The following SEC14L1 variants were observed in gnomAD, a reference collection of about 807,000 sequenced individuals.
SEC14L1 encodes SEC14 like lipid binding 1.
A neutral mutation model predicts 85.3 loss-of-function variants in SEC14L1; 48 were observed. The observed-to-expected ratio is 0.56, with a 90% CI of 0.45 to 0.72. The LOEUF (loss-of-function observed/expected upper bound fraction) is 0.72, where lower values mean the gene tolerates loss of function less well. SEC14L1 is among the 30% of genes least tolerant of loss of function. The pLI is 0.00. For synonymous variants in SEC14L1, 391 were observed against 355.5 expected (o/e 1.10, Z -1.12); for missense variants, 682 against 921.4 (o/e 0.74, Z 3.36).
intron 14 of SEC14L1, chr17:77,210,594 A>T (rs1272389542): frequency 2.0e-5 from 3 of 152,086 alleles, no homozygotes; most frequent in African/African-American, 7.3e-5. Flanking sequence ...GGGCAGGTGG[A>T]TAAGGGAATG....
chr17:77,132,302 A>C (rs1598269838), intron 3 of SEC14L1, among the ~76,000 whole-genome samples: 1 of 142,468 alleles, frequency 7.0e-6, no homozygotes, highest in African/African-American at 2.7e-5. Flanking sequence ...ATCTCACTGC[A>C]CCCTCCAACT....
chr17:77,124,465 C>G (rs1303578741), intron 3 of SEC14L1, among the ~76,000 whole-genome samples: 3 of 152,186 alleles, frequency 2.0e-5, no homozygotes, highest in Non-Finnish European at 4.4e-5. Flanking sequence ...CCCACACTTC[C>G]TTAGCTGTGT....
At chr17:77,211,892 G>T (rs944386142) in intron 14 of SEC14L1, 58 bp from the exon 15 acceptor site, 5 of 1,593,010 alleles carry the variant, frequency 3.1e-6, no homozygotes, top group African/African-American at 2.7e-5. Flanking sequence ...CGATGCGCTC[G>T]CAGCATGCCG....
In SEC14L1 at chr17:77,205,311, C is replaced by T. The variant is rs748481378; in HGVS notation, c.1134C>T (p.Cys378=). 1.8e-5 allele frequency: 29 copies of T among 1,613,942 alleles called. No homozygotes were observed. Among genetic ancestry groups the T allele is most frequent in the Admixed American group, 5.0e-5 (3 of 59,984 alleles). ...TAAATGAAGAAGGGCTAAGGCGATG[C>T]GAAGAGAATACAAAAGTCTTTGGTC... ...LSINEEGLRR[C]EENTKVFGRP... Residue 378 remains cysteine, a synonymous_variant, in exon 11 of 17, where the codon TGC becomes TGT. Transcript: ENST00000436233.
In SEC14L1 at chr17:77,214,084, T is replaced by G; in HGVS notation, c.*61T>G. The G allele has an allele frequency of 6.4e-7, 1 of 1,572,456 alleles. No individual in the cohort carries two copies. The highest frequency in any genetic ancestry group is 8.6e-7 in the Non-Finnish European group (1 of 1,158,476). On this transcript the variant is annotated 3_prime_UTR_variant, in exon 17 of 17. Transcript: ENST00000436233. ...GGCCGCCCCTCCTCGGACAGCCAGC[T>G]GCACCCGCCCACCCAGCGGCGACAT...
intron 3 of SEC14L1, among the ~76,000 whole-genome samples, chr17:77,162,074 C>G (rs534976180): frequency 6.6e-6 from 1 of 152,110 alleles, no homozygotes; most frequent in African/African-American, 2.4e-5. Flanking sequence ...AGGTTCCCCA[C>G]GAACATGGGT....
At chr17:77,098,704 A>G (rs1327955335) in intron 3 of SEC14L1, among the ~76,000 whole-genome samples, 1 of 152,014 alleles carries the variant, frequency 6.6e-6, no homozygotes, top group African/African-American at 2.4e-5. Flanking sequence ...TGTGACAAGG[A>G]CCTCAGCCCT....
Position 77,216,748 on chromosome 17 carries a change from A to G in SEC14L1, c.*2725A>G. On this transcript the variant is annotated 3_prime_UTR_variant, in exon 17 of 17. Transcript: ENST00000436233. ...GTGCATCTTGAAGAGCTCAAAGCAC[A>G]TGACCGCACAAATGCTTACAGGGTT... 9.7e-7 allele frequency: 1 copy of G among 1,032,280 alleles called. No homozygotes were observed. The allele number at this position is 1,032,280 out of a possible 1,614,324, so 63.9% of individuals were successfully genotyped here.
chr17:77,211,908 G>A lies in SEC14L1; in HGVS notation c.1612-42G>A, dbSNP rs775791357. 5 of 1,604,262 alleles carry A rather than the reference G, an allele frequency of 3.1e-6. No homozygotes were observed. In the East Asian group the frequency reaches 8.9e-5, roughly 29 times the overall value. On this transcript the variant is annotated intron_variant, in intron 14 of 16. Transcript: ENST00000436233. Reference sequence around the variant, plus strand: ...GATGCGCTCGCAGCATGCCGGCCTGGTGCTCGTGGATCGTGGCTGCCTAAC... The same window carrying A: ...GATGCGCTCGCAGCATGCCGGCCTGATGCTCGTGGATCGTGGCTGCCTAAC...
rs183668926 is a variant in SEC14L1, at chr17:77,212,967, C to T, written c.1864-347C>T. Among the ~76,000 whole-genome samples the T allele has an allele frequency of 1.3e-4, 20 of 152,282 alleles. No homozygotes were observed. The East Asian group carries it at 3.7e-3, about 28-fold the overall frequency. On this transcript the variant is annotated intron_variant, in intron 15 of 16. Coordinates refer to ENST00000436233, the MANE Select transcript of SEC14L1 (RefSeq NM_001143998.2). ...TGGCAGCATGTCAGAGAAAGTGAGG[C>T]CAGGTCCAGGGAAGCTGTGCTGAGC...
intron 3 of SEC14L1, among the ~76,000 whole-genome samples, chr17:77,106,370 A>T (rs1598224856): frequency 6.6e-6 from 1 of 151,742 alleles, no homozygotes; most frequent in South Asian, 2.1e-4. Context: ...CGTCTCTACT[A>T]AAAATACAAA....
rs763767954 is a variant in SEC14L1, at chr17:77,161,712, C to CTTTTTTTT, written c.63+18070_63+18077dup. Among the ~76,000 whole-genome samples, 2 of 103,052 alleles carry CTTTTTTTT rather than the reference C, an allele frequency of 1.9e-5. 1 individual carries two copies. The highest frequency in any genetic ancestry group is 7.4e-5 in the African/African-American group (2 of 27,164). The allele number at this position is 103,052 out of a possible 152,430, so 67.6% of individuals were successfully genotyped here. ...AATCAGCTGGGTCCTTAAATTGGTT[C>CTTTTTTTT]TTTTTTTTTTTTTTTTTTTTTTTTA... On this transcript the variant is annotated intron_variant, in intron 3 of 16. Coordinates refer to ENST00000436233, the MANE Select transcript of SEC14L1 (RefSeq NM_001143998.2).
chr17:77,181,358 T>A (rs1297008979), intron 3 of SEC14L1, among the ~76,000 whole-genome samples: 1 of 152,232 alleles, frequency 6.6e-6, no homozygotes, highest in Non-Finnish European at 1.5e-5. Flanking sequence ...ACAGTCCAGT[T>A]GGTATTAATC....
chr17:77,190,406 A>T (rs1030139139), intron 3 of SEC14L1, among the ~76,000 whole-genome samples: 10 of 152,122 alleles, frequency 6.6e-5, no homozygotes, highest in Non-Finnish European at 1.5e-4. Flanking sequence ...GATGGTCTTG[A>T]TTACTGTAGT....
chr17:77,105,103 G>A (rs561616501), intron 3 of SEC14L1, among the ~76,000 whole-genome samples: 2 of 152,266 alleles, frequency 1.3e-5, no homozygotes, highest in South Asian at 4.1e-4. Context: ...TTCCAAAGAA[G>A]GCGATCGGAT....
chr17:77,101,741 C>T (rs914581708), intron 3 of SEC14L1, among the ~76,000 whole-genome samples: 1 of 152,172 alleles, frequency 6.6e-6, no homozygotes, highest in African/African-American at 2.4e-5. Context: ...GAGGACCACT[C>T]GGTCCTTTCT....
At chr17:77,177,287 G>A (rs1406045768) in intron 3 of SEC14L1, among the ~76,000 whole-genome samples, 1 of 151,380 alleles carries the variant, frequency 6.6e-6, no homozygotes, top group Non-Finnish European at 1.5e-5. Flanking sequence ...TGTCTGAGAT[G>A]TCCGTATTGA....
chr17:77,181,343 TTAATACAGTCCAGTTGGTA>T (rs1333692428), intron 3 of SEC14L1, among the ~76,000 whole-genome samples: 2 of 152,246 alleles, frequency 1.3e-5, no homozygotes, highest in African/African-American at 2.4e-5. Context: ...TTTCTTTTTG[TTAATACAGTCCAGTTGGTA>T]TTAATCACCT....
At chr17:77,154,895 C>A (rs1455590275) in intron 3 of SEC14L1, among the ~76,000 whole-genome samples, 2 of 152,074 alleles carry the variant, frequency 1.3e-5, no homozygotes, top group Admixed American at 6.6e-5. Flanking sequence ...TCCGGCCTTC[C>A]CCTTCTGATC....
Sources: allele counts gnomAD v4.1 joint callset (sites outside exome capture counted in the v4.1 genomes callset), GRCh38; gene constraint gnomAD v4.1.1; transcripts MANE v1.5; gene names NCBI Gene and HGNC (gene_info 2026-07-23, HGNC 2026-07-21).